The following RGS5 variants were observed in gnomAD, a reference collection of about 807,000 sequenced individuals.
The protein encoded by RGS5 is regulator of G protein signaling 5.
In RGS5, 20 loss-of-function variants were observed where a neutral mutation model predicts 18.9. The observed-to-expected ratio is 1.06, with a 90% CI of 0.74 to 1.54. The LOEUF (loss-of-function observed/expected upper bound fraction) is 1.54. Among genes scored for constraint, RGS5 ranks in the 40% most tolerant of loss-of-function variants. The pLI, the probability that RGS5 is intolerant of heterozygous loss-of-function variation, is 0.00. For synonymous variants in RGS5, 57 were observed against 76.2 expected (o/e 0.75, Z 1.31); for missense variants, 201 against 211.8 (o/e 0.95, Z 0.32).
intron 2 of RGS5, among the ~76,000 whole-genome samples, chr1:163,258,645 C>CTGTGTG (rs113301415): frequency 6.8e-4 from 101 of 148,390 alleles, no homozygotes; most frequent in African/African-American, 1.7e-3. Flanking sequence ...GTAAGTGTGT[C>CTGTGTG]TGTGTGTGTG....
chr1:163,253,569 C>T (rs1433856110), intron 2 of RGS5, among the ~76,000 whole-genome samples: 1 of 151,750 alleles, frequency 6.6e-6, no homozygotes, highest in Non-Finnish European at 1.5e-5. Flanking sequence ...CTCGGCCTGC[C>T]AAAGTTCTGG....
intron 1 of RGS5, among the ~76,000 whole-genome samples, chr1:163,193,524 T>A (rs1455129634): frequency 1.3e-5 from 2 of 152,146 alleles, no homozygotes; most frequent in African/African-American, 4.8e-5. Context: ...AAAACGCACA[T>A]GGATTAGCTG....
chr1:163,218,341 T>C (rs539101236), upstream of RGS5, among the ~76,000 whole-genome samples: 59 of 152,340 alleles, frequency 3.9e-4, no homozygotes, highest in Admixed American at 8.5e-4. Flanking sequence ...TTGTCACCAA[T>C]AGAATTCACA....
chr1:163,312,499 A>G (rs1316620252), intron 1 of RGS5, among the ~76,000 whole-genome samples: 2 of 152,246 alleles, frequency 1.3e-5, no homozygotes, highest in Non-Finnish European at 2.9e-5. Context: ...CTAGGTTGAA[A>G]AGAGGGCAAA....
In RGS5 at chr1:163,142,663, T is replaced by A. The variant is rs1388496105; in HGVS notation, c.*4679A>T. The A allele has an allele frequency of 6.6e-6, 1 of 152,206 alleles. No individual in the cohort carries two copies. Among genetic ancestry groups the A allele is most frequent in the African/African-American group, 2.4e-5 (1 of 41,454 alleles). The allele number at this position is 152,206 out of a possible 1,614,324, so 9.4% of individuals were successfully genotyped here. A position where few individuals can be genotyped will look rare whatever the true frequency, so the allele number is the denominator to read the frequency against. On this transcript the variant is annotated 3_prime_UTR_variant, in exon 5 of 5. Transcript: ENST00000313961. The stretch of plus-strand genomic sequence containing the variant: ...GTGGCAAATTTCTCAGCATTTCTCT[T>A]TGTTTTGTCTATGCCTTAGCCTGTG...
Position 163,211,537 on chromosome 1 carries a change from G to A in RGS5, c.69+5989C>T, listed in dbSNP as rs375993917. ...TTTTCGCTTGGTTCATGAAAGAATC[G>A]TGACTGGAAAACTATATTCTGTTAC... On this transcript the variant is annotated intron_variant, in intron 1 of 5. Coordinates refer to the RGS5 transcript ENST00000367903. 4.6e-5 allele frequency: 7 copies of A among 152,060 alleles called. 1 individual carries two copies. Among genetic ancestry groups the A allele is most frequent in the Non-Finnish European group, 1.0e-4 (7 of 68,004 alleles). The allele number at this position is 152,060 out of a possible 1,614,324, so 9.4% of individuals were successfully genotyped here.
intron 1 of RGS5, among the ~76,000 whole-genome samples, chr1:163,179,298 T>C (rs1257759792): frequency 6.6e-6 from 1 of 152,232 alleles, no homozygotes; most frequent in Non-Finnish European, 1.5e-5. Flanking sequence ...GCCTTAGTTT[T>C]CTCATCTGTA....
In RGS5 at chr1:163,180,686, G is replaced by GTTTTTTTGTTTTTTTTTTTTT. The variant is rs1658782943; in HGVS notation, c.45-12319_45-12318insAAAAAAAAAAAAACAAAAAAA. Among the ~76,000 whole-genome samples the GTTTTTTTGTTTTTTTTTTTTT allele has an allele frequency of 4.8e-5, 3 of 61,964 alleles. 1 individual carries two copies. In the South Asian group the frequency reaches 2.2e-3, roughly 45 times the overall value. The allele number at this position is 61,964 out of a possible 152,430, so 40.7% of individuals were successfully genotyped here. ...CCCTTTGTAATAAAGCCCTTACCCT[G>GTTTTTTTGTTTTTTTTTTTTT]TTTTTTTTTTTTTTTTTTTTTTTTT... is the stretch of plus-strand genomic sequence containing the variant. On this transcript the variant is annotated intron_variant, in intron 1 of 4. Transcript: ENST00000313961.
chr1:163,215,030 A>G (rs1167153246), intron 1 of RGS5, among the ~76,000 whole-genome samples: 4 of 152,176 alleles, frequency 2.6e-5, no homozygotes, highest in Non-Finnish European at 2.9e-5. Context: ...ATTTACTACA[A>G]ACACACACAC....
chr1:163,271,244 T>C (rs1208944994), intron 2 of RGS5, among the ~76,000 whole-genome samples: 1 of 152,152 alleles, frequency 6.6e-6, no homozygotes, highest in African/African-American at 2.4e-5. Context: ...TTAAGGGTAA[T>C]TAATTGTTTT....
intron 2 of RGS5, among the ~76,000 whole-genome samples, chr1:163,283,573 T>C (rs185935004): frequency 3.9e-5 from 6 of 152,312 alleles, no homozygotes; most frequent in Admixed American, 3.9e-4. Context: ...CGTGAGTGTA[T>C]GTAGAATCCA....
chr1:163,320,426 G>C (rs535001590), intron 1 of RGS5, among the ~76,000 whole-genome samples: 1 of 152,142 alleles, frequency 6.6e-6, no homozygotes, highest in Non-Finnish European at 1.5e-5. Flanking sequence ...AGCTCAGTTA[G>C]GTTAAATAGC....
chr1:163,287,138 C>A (rs1649165250), intron 2 of RGS5, among the ~76,000 whole-genome samples: 1 of 152,116 alleles, frequency 6.6e-6, no homozygotes, highest in Non-Finnish European at 1.5e-5. Flanking sequence ...ACTATGTATG[C>A]CAAAGTTTTC....
intron 1 of RGS5, among the ~76,000 whole-genome samples, chr1:163,196,414 G>C (rs1394175475): frequency 2.6e-5 from 4 of 152,136 alleles, no homozygotes; most frequent in Non-Finnish European, 4.4e-5. Flanking sequence ...ATATTGTGTA[G>C]TCCTTGCTAG....
chr1:163,269,701 C>T (rs1448931573), intron 2 of RGS5, among the ~76,000 whole-genome samples: 1 of 152,146 alleles, frequency 6.6e-6, no homozygotes, highest in African/African-American at 2.4e-5. Context: ...ACAGTTATTA[C>T]TAACAAAACA....
intron 2 of RGS5, among the ~76,000 whole-genome samples, chr1:163,240,489 G>A (rs946789893): frequency 5.9e-5 from 9 of 151,902 alleles, no homozygotes; most frequent in Admixed American, 3.3e-4. Context: ...ACTGGAAGTG[G>A]AAATGAAGGA....
intron 3 of RGS5, among the ~76,000 whole-genome samples, chr1:163,156,686 C>G (rs1183148734): frequency 6.6e-6 from 1 of 152,106 alleles, no homozygotes; most frequent in African/African-American, 2.4e-5. Context: ...GCATTTCCTT[C>G]CAAGTGACAG....
chr1:163,267,004 C>T (rs145169783), intron 2 of RGS5, among the ~76,000 whole-genome samples: 178 of 152,160 alleles, frequency 1.2e-3, no homozygotes, highest in Non-Finnish European at 1.6e-3. Context: ...AAAAATTGTG[C>T]ACTCCATAAT....
At chr1:163,175,435 G>C (rs893862532) in intron 1 of RGS5, among the ~76,000 whole-genome samples, 11 of 152,180 alleles carry the variant, frequency 7.2e-5, no homozygotes, top group Admixed American at 2.6e-4. Context: ...CTCCGAGACA[G>C]GGTAATGGAT....
Sources: gnomAD v4.1 joint callset for allele counts (sites outside exome capture counted in the v4.1 genomes callset) on GRCh38, gnomAD v4.1.1 for gene constraint, MANE v1.5 for transcripts, NCBI Gene and HGNC (gene_info 2026-07-23, HGNC 2026-07-21) for gene names.